BUB3: variants seen among roughly 807,000 people sequenced by gnomAD.
BUB3 encodes mitotic checkpoint protein BUB3.
A neutral mutation model predicts 39.9 loss-of-function variants in BUB3; 22 were observed. That is an observed-to-expected ratio of 0.55 (90% CI 0.39 to 0.79). The LOEUF (loss-of-function observed/expected upper bound fraction) is 0.79. Among genes scored for constraint, BUB3 ranks in the 30% least tolerant of loss-of-function variants. The pLI is 0.00. For synonymous variants in BUB3, 168 were observed against 155.1 expected (o/e 1.08, Z -0.62); for missense variants, 303 against 415.4 (o/e 0.73, Z 2.35).
chr10:123,162,961 TATC>T (rs1844445205), intron 7 of BUB3, 133 bp downstream of exon 7: 2 of 840,640 alleles, frequency 2.4e-6, no homozygotes, highest in Non-Finnish European at 1.8e-6. Flanking sequence ...GAGTTGATGT[TATC>T]ATGTTCTCCC....
rs996388487 is a variant in BUB3 at position 123,157,666 on chromosome 10, G to A, written c.266-63G>A. 8.9e-6 allele frequency: 13 copies of A among 1,464,524 alleles called. No individual in the cohort carries two copies. In the Admixed American group the frequency reaches 1.9e-4, roughly 21 times the overall value. 90.7% of individuals were successfully genotyped at this position (1,464,524 alleles called of 1,614,324 possible). On this transcript the variant is annotated intron_variant, in intron 3 of 7. Coordinates refer to ENST00000368865, the MANE Select transcript of BUB3 (RefSeq NM_004725.4). ...TGTTTCTTTTAATTGTTTATTTTAG[G>A]AATCTTTAGTAAAGGTAGTAAGCTA...
rs1235787871 is a variant in BUB3, at chr10:123,155,058, C to T, written c.141C>T (p.Asn47=). 6.8e-6 allele frequency: 11 copies of T among 1,614,188 alleles called. No homozygotes were observed. In the African/African-American group the frequency reaches 8.0e-5, roughly 12 times the overall value. The change falls in exon 2 of 8, where the codon AAC becomes AAT. Residue 47 remains asparagine (N), a synonymous_variant. Transcript: ENST00000368865. Reference sequence around the variant, plus strand: ...TGCGTCTCTACGATGTGCCGGCCAACTCCATGCGGCTCAAGTACCAGCACA... The same window carrying T: ...TGCGTCTCTACGATGTGCCGGCCAATTCCATGCGGCTCAAGTACCAGCACA... ...TSVRLYDVPA[N]SMRLKYQHTG... is the part of the protein sequence containing the mutation.
chr10:123,156,753 G>GTTTTTTTTTTTTTTTTTTTTTT (rs756642442), intron 3 of BUB3, among the ~76,000 whole-genome samples: 15 of 135,108 alleles, frequency 1.1e-4, no homozygotes, highest in East Asian at 2.5e-4. Context: ...TTTCTTTCTT[G>GTTTTTTTTTTTTTTTTTTTTTT]TTTTTTTTTT....
chr10:123,160,626 A>C, intron 5 of BUB3, 61 bp downstream of exon 5: 1 of 1,372,892 alleles, frequency 7.3e-7, no homozygotes, highest in Non-Finnish European at 9.6e-7. Flanking sequence ...TTATATTATA[A>C]TGATTTGGCC....
At position 123,154,950 on chromosome 10, in the gene BUB3, G is replaced by C; in HGVS notation, c.33G>C (p.Gln11His). Residue 11 changes from glutamine to histidine, a missense_variant, in exon 2 of 8, where the codon CAG (glutamine) becomes CAC (histidine). By Grantham distance (24) the Gln-to-His change is conservative. Coordinates refer to ENST00000368865, the MANE Select transcript of BUB3 (RefSeq NM_004725.4). Reference protein sequence around the residue: MTGSNEFKLNQPPEDGISSVK... With the variant: MTGSNEFKLNHPPEDGISSVK... ...GTTCTAACGAGTTCAAGCTGAACCA[G>C]CCACCCGAGGATGGCATCTCCTCCG... 6.2e-7 allele frequency: 1 copy of C among 1,614,084 alleles called. No individual in the cohort carries two copies. Among genetic ancestry groups the C allele is most frequent in the Non-Finnish European group, 8.5e-7 (1 of 1,179,998 alleles).
intron 4 of BUB3, among the ~76,000 whole-genome samples, chr10:123,158,966 A>G (rs1448462564): frequency 2.0e-5 from 3 of 152,220 alleles, no homozygotes; most frequent in African/African-American, 4.8e-5. Flanking sequence ...TGTGTCACCT[A>G]TATAGTAAAG....
intron 3 of BUB3, 40 bp downstream of exon 3, chr10:123,155,767 A>G (rs1844341731): frequency 6.4e-7 from 1 of 1,569,596 alleles, no homozygotes; most frequent in African/African-American, 1.3e-5. Flanking sequence ...TTTCTTGGCT[A>G]GTGTTCTTAA....
In BUB3 at chr10:123,168,040, A is replaced by C. The variant is rs1375289850; in HGVS notation, c.*4205A>C. ...GGTCTCGAACTCCTGGGCTCAAGCT[A>C]TCCTCCCGCCTCTTGCCTCCCTAAG... is the stretch of plus-strand genomic sequence containing the variant. On this transcript the variant is annotated 3_prime_UTR_variant, in exon 8 of 8. Coordinates refer to ENST00000368865, the MANE Select transcript of BUB3 (RefSeq NM_004725.4). 6.6e-6 allele frequency: 1 copy of C among 151,786 alleles called. No individual in the cohort carries two copies. The highest frequency in any genetic ancestry group is 6.6e-5 in the Admixed American group (1 of 15,240). 9.4% of individuals were successfully genotyped at this position (151,786 alleles called of 1,614,324 possible). A position where few individuals can be genotyped will look rare whatever the true frequency, so the allele number is the denominator to read the frequency against.
At position 123,166,586 on chromosome 10, in the gene BUB3, T is replaced by A. The variant is rs555283696; in HGVS notation, c.*2751T>A. On this transcript the variant is annotated 3_prime_UTR_variant, in exon 8 of 8. Coordinates refer to ENST00000368865, the MANE Select transcript of BUB3 (RefSeq NM_004725.4). ...TTCTAAAAAATTTCTAAAAGATTTT[T>A]AAAAAATGTATTCTGATGTCATACT... 1.5e-3 allele frequency: 236 copies of A among 152,310 alleles called. No homozygotes were observed. Among genetic ancestry groups the A allele is most frequent in the African/African-American group, 5.4e-3 (226 of 41,582 alleles). 9.4% of individuals were successfully genotyped at this position (152,310 alleles called of 1,614,324 possible). A position where few individuals can be genotyped will look rare whatever the true frequency, so the allele number is the denominator to read the frequency against.
At position 123,155,123 on chromosome 10, in the gene BUB3, T is replaced by C. The variant is rs1202591928; in HGVS notation, c.195+11T>C. Reference sequence around the variant, plus strand: ...GACTGCGCCTTCTACGTAGGTGCCCTCCCGCCCTGCTCCTGCCCTCTTACT... The same window carrying C: ...GACTGCGCCTTCTACGTAGGTGCCCCCCCGCCCTGCTCCTGCCCTCTTACT... On this transcript the variant is annotated intron_variant, in intron 2 of 7. Coordinates refer to ENST00000368865, the MANE Select transcript of BUB3 (RefSeq NM_004725.4). 6.2e-7 allele frequency: 1 copy of C among 1,612,068 alleles called. No homozygotes were observed. The highest frequency in any genetic ancestry group is 1.1e-5 in the South Asian group (1 of 90,956).
At chr10:123,160,643 C>A in intron 5 of BUB3, 78 bp downstream of exon 5, 1 of 1,277,420 alleles carries the variant, frequency 7.8e-7, no homozygotes, top group East Asian at 2.7e-5. Context: ...GGCCACTAGC[C>A]CCTAAAGCCT....
Position 123,165,137 on chromosome 10 carries a change from A to C in BUB3, c.*1302A>C. On this transcript the variant is annotated 3_prime_UTR_variant, in exon 8 of 8. Transcript: ENST00000368865. ...ATGCTTATTCCTTAAGGGATGTGTT[A>C]GAGTTACTGTGGATTTCTCTGTTTT... 14 of 1,482,682 alleles carry C rather than the reference A, an allele frequency of 9.4e-6. No homozygotes were observed. Among genetic ancestry groups the C allele is most frequent in the Non-Finnish European group, 1.3e-5 (14 of 1,068,416 alleles). 91.8% of individuals were successfully genotyped at this position (1,482,682 alleles called of 1,614,324 possible).
Position 123,169,161 on chromosome 10 carries a change from C to T in BUB3, c.*5326C>T, listed in dbSNP as rs999212487. 3.9e-5 allele frequency: 6 copies of T among 152,212 alleles called. No homozygotes were observed. The highest frequency in any genetic ancestry group is 1.4e-4 in the African/African-American group (6 of 41,440). 9.4% of individuals were successfully genotyped at this position (152,212 alleles called of 1,614,324 possible). A position where few individuals can be genotyped will look rare whatever the true frequency, so the allele number is the denominator to read the frequency against. On this transcript the variant is annotated 3_prime_UTR_variant, in exon 8 of 8. Coordinates refer to ENST00000368865, the MANE Select transcript of BUB3 (RefSeq NM_004725.4). ...ACGGGCTTTCCCCCTATCGGCTGTT[C>T]CAGAGCGAGAGGCTGCAGGTGTCCA...
At chr10:123,155,775 T>G in intron 3 of BUB3, 48 bp downstream of exon 3, 5 of 1,556,300 alleles carry the variant, frequency 3.2e-6, no homozygotes, top group Non-Finnish European at 4.4e-6. Flanking sequence ...CTAGTGTTCT[T>G]AAGTATAAAT....
chr10:123,154,804 CTCCTCGCGGTCG>C, intron 1 of BUB3, 102 bp from the exon 2 acceptor site: 2 of 1,147,598 alleles, frequency 1.7e-6, no homozygotes. Context: ...AGCGCAGAGT[CTCCTCGCGGTCG>C]TCCTCTCGGC....
At chr10:123,163,731 T>A (rs1273362589) in intron 7 of BUB3, 89 bp from the exon 8 acceptor site, 22 of 1,191,806 alleles carry the variant, frequency 1.8e-5, no homozygotes, top group Non-Finnish European at 1.8e-5. Flanking sequence ...TAAAGGGCTG[T>A]GTTTGCATTT....
rs965354049 is a variant in BUB3, at chr10:123,167,227, T to C, written c.*3392T>C. On this transcript the variant is annotated 3_prime_UTR_variant, in exon 8 of 8. Transcript: ENST00000368865. ...GCCAGGTTACTTTCTTCACTATCACTCCGACGCTTGTGTTGATTCCCAAAT... is the reference window on the plus strand; with the variant it reads ...GCCAGGTTACTTTCTTCACTATCACCCCGACGCTTGTGTTGATTCCCAAAT... 1 of 152,230 alleles carries C rather than the reference T, an allele frequency of 6.6e-6. No homozygotes were observed. Among genetic ancestry groups the C allele is most frequent in the East Asian group, 1.9e-4 (1 of 5,202 alleles). The allele number at this position is 152,230 out of a possible 1,614,324, so 9.4% of individuals were successfully genotyped here.
In BUB3 at chr10:123,164,689, A is replaced by G. The variant is rs531287484; in HGVS notation, c.*854A>G. 6.9e-5 allele frequency: 71 copies of G among 1,026,328 alleles called. No individual in the cohort carries two copies. The highest frequency in any genetic ancestry group is 4.3e-4 in the South Asian group (10 of 23,162). The allele number at this position is 1,026,328 out of a possible 1,614,324, so 63.6% of individuals were successfully genotyped here. ...GTTTACATATTTCTCTGACATTTAT[A>G]TAGTTCTTATGTCCATTTCAGTTGA... On this transcript the variant is annotated 3_prime_UTR_variant, in exon 8 of 8. Transcript: ENST00000368865.
At chr10:123,156,414 A>AGAGATATGACTAGAGAGAAGAT (rs1328424232) in intron 3 of BUB3, among the ~76,000 whole-genome samples, 1 of 152,242 alleles carries the variant, frequency 6.6e-6, no homozygotes, top group African/African-American at 2.4e-5. Context: ...AGGAGGGTAC[A>AGAGATATGACTAGAGAGAAGAT]GAGATATGAC....
Sources: allele counts gnomAD v4.1 joint callset (sites outside exome capture counted in the v4.1 genomes callset), GRCh38; gene constraint gnomAD v4.1.1; transcripts MANE v1.5; gene names NCBI Gene and HGNC (gene_info 2026-07-23, HGNC 2026-07-21).